The following CNTNAP2 variants were observed in gnomAD, a reference collection of about 807,000 sequenced individuals.
The protein encoded by CNTNAP2 is contactin-associated protein-like 2.
CNTNAP2 carries 98 observed loss-of-function variants against 155.2 expected under a neutral mutation model. The observed-to-expected ratio is 0.63, with a 90% confidence interval of 0.54 to 0.75. CNTNAP2 has a LOEUF of 0.75. CNTNAP2 is among the 30% of genes least tolerant of loss of function. The pLI, the probability that CNTNAP2 is intolerant of heterozygous loss-of-function variation, is 0.00. For missense variants in CNTNAP2, 1,727 were observed against 1,688.1 expected, an observed-to-expected ratio of 1.02 and a Z score of -0.40; for synonymous variants, 651 against 631.2, an observed-to-expected ratio of 1.03 and a Z score of -0.47.
intron 8 of CNTNAP2, among the ~76,000 whole-genome samples, chr7:147,226,471 G>A (rs1411060532): frequency 1.3e-5 from 2 of 152,010 alleles, no homozygotes; most frequent in Admixed American, 6.6e-5. Context: ...ATGGAAATGT[G>A]GCATGAACTC....
chr7:147,141,423 A>C (rs899521051), intron 8 of CNTNAP2, among the ~76,000 whole-genome samples: 2 of 152,152 alleles, frequency 1.3e-5, no homozygotes, highest in Non-Finnish European at 2.9e-5. Context: ...ACTGGCTATC[A>C]TGGATTGAGT....
intron 6 of CNTNAP2, among the ~76,000 whole-genome samples, chr7:147,127,367 A>T (rs1412613652): frequency 2.0e-5 from 3 of 152,018 alleles, no homozygotes; most frequent in Non-Finnish European, 2.9e-5. Context: ...ATTTTATTGT[A>T]AATGAGGCCT....
At chr7:146,454,010 GAT>G (rs1472032148) in intron 1 of CNTNAP2, among the ~76,000 whole-genome samples, 4 of 151,784 alleles carry the variant, frequency 2.6e-5, no homozygotes, top group Non-Finnish European at 5.9e-5. Context: ...TCAATTAAAA[GAT>G]AGAAAATTTT....
chr7:148,229,796 A>T lies in CNTNAP2; in HGVS notation c.3381+17A>T. The T allele has an allele frequency of 6.2e-7, 1 of 1,613,472 alleles. No homozygotes were observed. ...TTTCTCAAGGTATACATACATGTACATATAAATTACATATAATATCGCATT... is the reference window on the plus strand; with the variant it reads ...TTTCTCAAGGTATACATACATGTACTTATAAATTACATATAATATCGCATT... On this transcript the variant is annotated intron_variant, in intron 20 of 23. Coordinates refer to ENST00000361727, the MANE Select transcript of CNTNAP2 (RefSeq NM_014141.6).
intron 21 of CNTNAP2, among the ~76,000 whole-genome samples, chr7:148,268,288 G>T (rs911529159): frequency 5.3e-5 from 8 of 152,198 alleles, no homozygotes; most frequent in African/African-American, 1.9e-4. Flanking sequence ...TAGCATTAAT[G>T]GTAAAAATGC....
intron 13 of CNTNAP2, among the ~76,000 whole-genome samples, chr7:147,893,777 T>A (rs1178116291): frequency 6.6e-6 from 1 of 152,196 alleles, no homozygotes; most frequent in Non-Finnish European, 1.5e-5. Flanking sequence ...TCCTGAGACT[T>A]CAGCTACCAT....
chr7:146,795,372 C>T (rs1349491588), intron 2 of CNTNAP2, among the ~76,000 whole-genome samples: 1 of 152,136 alleles, frequency 6.6e-6, no homozygotes, highest in Non-Finnish European at 1.5e-5. Flanking sequence ...AATCAACATT[C>T]ATGGTACAAA....
chr7:148,150,521 G>T (rs977110566), intron 17 of CNTNAP2, among the ~76,000 whole-genome samples: 1 of 151,912 alleles, frequency 6.6e-6, no homozygotes, highest in Non-Finnish European at 1.5e-5. Context: ...GTACTCCAGC[G>T]TGGGAGATAG....
intron 13 of CNTNAP2, among the ~76,000 whole-genome samples, chr7:147,665,005 T>A (rs1314009694): frequency 6.6e-6 from 1 of 152,194 alleles, no homozygotes; most frequent in Non-Finnish European, 1.5e-5. Context: ...AGTATAATAT[T>A]TACAGAGGTA....
rs138277367 is a variant in CNTNAP2, at chr7:147,754,203, T to G, written c.2098+114897T>G. Among the ~76,000 whole-genome samples, 222 of 152,360 alleles carry G rather than the reference T, an allele frequency of 1.5e-3. 1 individual carries two copies. Among genetic ancestry groups the G allele is most frequent in the Non-Finnish European group, 2.9e-3 (194 of 68,036 alleles). On this transcript the variant is annotated intron_variant, in intron 13 of 23. Coordinates refer to ENST00000361727, the MANE Select transcript of CNTNAP2 (RefSeq NM_014141.6). ...TAAAACAAATTATCGCTCCATCATT[T>G]CATAATAACACTCAAAAAAGGTTTT...
intron 13 of CNTNAP2, among the ~76,000 whole-genome samples, chr7:147,860,778 T>A (rs1433649349): frequency 2.0e-5 from 3 of 152,146 alleles, no homozygotes. Flanking sequence ...TCTCAGGTCA[T>A]TCATGGCAGT....
At chr7:146,977,214 G>A (rs1225338424) in intron 3 of CNTNAP2, among the ~76,000 whole-genome samples, 2 of 152,166 alleles carry the variant, frequency 1.3e-5, no homozygotes, top group East Asian at 3.8e-4. Flanking sequence ...AGAGAGAAAT[G>A]AGTGAAGAAT....
intron 8 of CNTNAP2, among the ~76,000 whole-genome samples, chr7:147,141,913 T>A (rs1801604720): frequency 6.6e-6 from 1 of 152,132 alleles, no homozygotes; most frequent in Non-Finnish European, 1.5e-5. Context: ...AGTTTCCCAT[T>A]ACTAAAGAAT....
At chr7:146,193,577 T>C (rs144987732) in intron 1 of CNTNAP2, among the ~76,000 whole-genome samples, 48 of 152,312 alleles carry the variant, frequency 3.2e-4, no homozygotes, top group African/African-American at 1.1e-3. Flanking sequence ...ACCAAGTCCC[T>C]AGGCTGCAGA....
intron 13 of CNTNAP2, among the ~76,000 whole-genome samples, chr7:147,895,058 C>T (rs1389530842): frequency 2.1e-5 from 3 of 145,744 alleles, no homozygotes; most frequent in Non-Finnish European, 3.0e-5. Context: ...GCAAACTCCA[C>T]CTCCTGGGTT....
At chr7:147,601,624 G>A (rs1800945125) in intron 12 of CNTNAP2, among the ~76,000 whole-genome samples, 1 of 100,542 alleles carries the variant, frequency 9.9e-6, no homozygotes, top group Non-Finnish European at 1.9e-5. Context: ...ATCTCTTAAA[G>A]ACATTGACTC....
intron 1 of CNTNAP2, among the ~76,000 whole-genome samples, chr7:146,696,242 G>A (rs1397420681): frequency 6.6e-6 from 1 of 152,070 alleles, no homozygotes; most frequent in Non-Finnish European, 1.5e-5. Flanking sequence ...ATTTCTCCCT[G>A]TGTGCAATTT....
intron 1 of CNTNAP2, among the ~76,000 whole-genome samples, chr7:146,461,266 G>A (rs979252601): frequency 6.6e-6 from 1 of 151,776 alleles, no homozygotes; most frequent in African/African-American, 2.4e-5. Flanking sequence ...TTAGCTGGGC[G>A]TGGTGGCAGG....
intron 1 of CNTNAP2, among the ~76,000 whole-genome samples, chr7:146,278,866 G>A (rs1435346322): frequency 6.6e-6 from 1 of 152,144 alleles, no homozygotes; most frequent in Non-Finnish European, 1.5e-5. Flanking sequence ...AAGGATAGAT[G>A]AATGCCATCT....
Sources: allele counts gnomAD v4.1 joint callset (sites outside exome capture counted in the v4.1 genomes callset), GRCh38; gene constraint gnomAD v4.1.1; transcripts MANE v1.5; gene names NCBI Gene and HGNC (gene_info 2026-07-23, HGNC 2026-07-21).